CNTN6: variants seen among roughly 807,000 people sequenced by gnomAD.
The protein encoded by CNTN6 is contactin-6.
CNTN6 carries 137 observed loss-of-function variants against 122.8 expected under a neutral mutation model. That is an observed-to-expected ratio of 1.12 (90% CI 0.97 to 1.29). The LOEUF is 1.29. Ranked by LOEUF, CNTN6 falls within the 50% of genes most tolerant of loss-of-function variation. The probability of loss-of-function intolerance (pLI) is 0.00; values close to 1 mark genes in which losing one functional copy is unlikely to be tolerated. For synonymous variants in CNTN6, 570 were observed against 426.0 expected (o/e 1.34, Z -4.16); for missense variants, 1,634 against 1,223.4 (o/e 1.34, Z -5.01).
rs115630550 is a variant in CNTN6, at chr3:1,097,039, A to G, written c.-83+3919A>G. 7.5e-3 allele frequency among the ~76,000 whole-genome samples: 1,137 copies of G among 152,292 alleles called. 12 individuals are homozygous for G. The highest frequency in any genetic ancestry group is 0.026 in the African/African-American group (1,085 of 41,542). The stretch of plus-strand genomic sequence containing the variant: ...ATTCTTTGAATGAAAATTTTATTAG[A>G]ATGTTGTTATTCTCAGTATTCATAT... On this transcript the variant is annotated intron_variant, in intron 1 of 22. Coordinates refer to ENST00000446702, the MANE Select transcript of CNTN6 (RefSeq NM_001289080.2).
chr3:1,383,809 C>A (rs984414347), intron 19 of CNTN6, among the ~76,000 whole-genome samples: 3 of 151,818 alleles, frequency 2.0e-5, no homozygotes, highest in African/African-American at 7.3e-5. Context: ...TAATTACATG[C>A]AAATTAATGG....
intron 8 of CNTN6, 29 bp downstream of exon 8, chr3:1,321,863 A>G (rs1700908279): frequency 1.3e-6 from 2 of 1,534,856 alleles, no homozygotes; most frequent in Non-Finnish European, 1.8e-6. Flanking sequence ...AAATATATAT[A>G]AAATATTTGG....
At chr3:1,138,860 T>C (rs978189175) in intron 1 of CNTN6, among the ~76,000 whole-genome samples, 9 of 152,040 alleles carry the variant, frequency 5.9e-5, no homozygotes, top group African/African-American at 2.2e-4. Context: ...GTTATATCTA[T>C]TTGTATGTAT....
chr3:1,115,122 T>G (rs1026840489), intron 1 of CNTN6, among the ~76,000 whole-genome samples: 21 of 152,252 alleles, frequency 1.4e-4, no homozygotes, highest in Non-Finnish European at 2.9e-4. Context: ...GATCCTTCTG[T>G]GTATAAGGTG....
At chr3:1,290,983 A>G (rs957330765) in intron 5 of CNTN6, among the ~76,000 whole-genome samples, 1 of 152,150 alleles carries the variant, frequency 6.6e-6, no homozygotes, top group Non-Finnish European at 1.5e-5. Flanking sequence ...TTCTGCAAAT[A>G]CAGCCCAGTA....
At chr3:1,318,970 C>T (rs563538618) in intron 7 of CNTN6, among the ~76,000 whole-genome samples, 1 of 151,762 alleles carries the variant, frequency 6.6e-6, no homozygotes, top group South Asian at 2.1e-4. Context: ...CATTACTCGT[C>T]TAAGAAAGGT....
intron 1 of CNTN6, among the ~76,000 whole-genome samples, chr3:1,102,632 G>A (rs2090978353): frequency 6.7e-6 from 1 of 150,244 alleles, no homozygotes; most frequent in African/African-American, 2.4e-5. Flanking sequence ...GGAGGCTGAG[G>A]CAGGAGAATG....
intron 5 of CNTN6, 95 bp downstream of exon 5, chr3:1,278,603 A>C: frequency 1.4e-6 from 1 of 720,744 alleles, no homozygotes; most frequent in Non-Finnish European, 2.3e-6. Context: ...ACCTTTTATC[A>C]AATCAAAGAA....
intron 2 of CNTN6, among the ~76,000 whole-genome samples, chr3:1,211,217 CTTTATA>C (rs1369240342): frequency 6.6e-6 from 1 of 152,182 alleles, no homozygotes; most frequent in Non-Finnish European, 1.5e-5. Context: ...ATCTCAGGTA[CTTTATA>C]TCTGGGTGTG....
intron 2 of CNTN6, among the ~76,000 whole-genome samples, chr3:1,159,556 G>T (rs138442490): frequency 1.3e-5 from 2 of 151,850 alleles, no homozygotes; most frequent in African/African-American, 2.4e-5. Flanking sequence ...TGGATAAGGC[G>T]GGACTATTAT....
At chr3:1,402,627 C>G (rs1218415721) in intron 22 of CNTN6, 141 bp downstream of exon 22, 1 of 640,244 alleles carries the variant, frequency 1.6e-6, no homozygotes, top group African/African-American at 1.8e-5. Context: ...AGGTGATGAG[C>G]CATTTTTTTA....
intron 2 of CNTN6, among the ~76,000 whole-genome samples, chr3:1,156,615 T>TTTTC (rs146721292): frequency 0.15 from 23,372 of 150,876 alleles, 2,715 homozygotes; most frequent in African/African-American, 0.31. Context: ...TTTCTTTTTC[T>TTTTC]TTTCTTTCTT....
Position 1,331,334 on chromosome 3 carries a change from T to C in CNTN6, c.1364+1399T>C, listed in dbSNP as rs150020478. ...AGAACCAAAACTTAATAAATATCTG[T>C]GGAATAAATGAATGAATCAAAAAGG... is the stretch of plus-strand genomic sequence containing the variant. On this transcript the variant is annotated intron_variant, in intron 11 of 22. Coordinates refer to ENST00000446702, the MANE Select transcript of CNTN6 (RefSeq NM_001289080.2). 2.6e-3 allele frequency among the ~76,000 whole-genome samples: 401 copies of C among 152,108 alleles called. 2 individuals are homozygous for C. The highest frequency in any genetic ancestry group is 0.022 in the East Asian group (113 of 5,154).
intron 19 of CNTN6, among the ~76,000 whole-genome samples, chr3:1,384,714 A>G (rs1692503157): frequency 7.5e-6 from 1 of 134,106 alleles, no homozygotes; most frequent in Non-Finnish European, 1.7e-5. Flanking sequence ...ATACATATAC[A>G]TACTATATAT....
chr3:1,149,159 A>G (rs929903177), intron 2 of CNTN6, among the ~76,000 whole-genome samples: 6 of 152,206 alleles, frequency 3.9e-5, no homozygotes, highest in African/African-American at 1.2e-4. Flanking sequence ...TTTTGTAAAC[A>G]ACCAACCATA....
At chr3:1,284,618 G>T (rs1694035392) in intron 5 of CNTN6, among the ~76,000 whole-genome samples, 1 of 152,170 alleles carries the variant, frequency 6.6e-6, no homozygotes, top group Non-Finnish European at 1.5e-5. Flanking sequence ...GAGAGACAAA[G>T]TTTTTAGCTC....
rs1399662685 is a variant in CNTN6, at chr3:1,278,470, G to C, written c.416G>C (p.Gly139Ala). The C allele has an allele frequency of 6.2e-7, 1 of 1,612,736 alleles. No homozygotes were observed. The highest frequency in any genetic ancestry group is 1.3e-5 in the African/African-American group (1 of 74,984). The change falls in exon 5 of 23, where the codon GGT (glycine) becomes GCT (alanine). Residue 139 changes from glycine to alanine, a missense_variant. Gly to Ala is a moderately conservative substitution (Grantham distance 60). Transcript: ENST00000446702. ...ACAGTATCTGTCCGAGAAGGTCAAGGTGTGGTGCTTCTCTGTGGCCCACCG... is the reference window on the plus strand; with the variant it reads ...ACAGTATCTGTCCGAGAAGGTCAAGCTGTGGTGCTTCTCTGTGGCCCACCG... ...RSTVSVREGQ[G>A]VVLLCGPPPH...
At chr3:1,374,411 T>C (rs1384665862) in intron 16 of CNTN6, among the ~76,000 whole-genome samples, 1 of 152,110 alleles carries the variant, frequency 6.6e-6, no homozygotes, top group Non-Finnish European at 1.5e-5. Context: ...CATTAAAATG[T>C]TGTAGCCAGG....
intron 5 of CNTN6, among the ~76,000 whole-genome samples, chr3:1,286,768 C>T (rs919997043): frequency 6.6e-6 from 1 of 152,092 alleles, no homozygotes; most frequent in African/African-American, 2.4e-5. Flanking sequence ...CCTCCGTGTG[C>T]TGTATTCAGT....
Sources: gnomAD v4.1 joint callset for allele counts (sites outside exome capture counted in the v4.1 genomes callset) on GRCh38, gnomAD v4.1.1 for gene constraint, MANE v1.5 for transcripts, NCBI Gene and HGNC (gene_info 2026-07-23, HGNC 2026-07-21) for gene names.